Variants in CHST13 observed in about 807,000 individuals in gnomAD.
CHST13 encodes the protein C4ST-3.
In CHST13, 1 loss-of-function variant was observed where a neutral mutation model predicts 7.0. The observed-to-expected ratio is 0.14, with a 90% CI of 0.05 to 0.68. The LOEUF (loss-of-function observed/expected upper bound fraction) is 0.68. Ranked by LOEUF, CHST13 falls within the 30% of genes least tolerant of loss-of-function variation. CHST13 has a pLI of 0.82. For missense variants in CHST13, 572 were observed against 507.9 expected (o/e 1.13, Z -1.21); for synonymous variants, 257 against 240.9 (o/e 1.07, Z -0.62).
intron 1 of CHST13, 76 bp downstream of exon 1, chr3:126,524,505 T>G (rs2107559800): frequency 2.1e-6 from 1 of 469,688 alleles, no homozygotes; most frequent in Admixed American, 4.5e-5. Flanking sequence ...GCCTGACCCC[T>G]CGACAGCGCG....
At chr3:126,538,443 C>T (rs2107570127) in intron 2 of CHST13, among the ~76,000 whole-genome samples, 1 of 152,366 alleles carries the variant, frequency 6.6e-6, no homozygotes, top group Middle Eastern at 3.4e-3. Flanking sequence ...TCGCCTCAGG[C>T]AGAGCCAGGC....
chr3:126,525,733 G>C (rs1025146408), intron 1 of CHST13, among the ~76,000 whole-genome samples: 3 of 152,144 alleles, frequency 2.0e-5, no homozygotes, highest in Admixed American at 2.0e-4. Flanking sequence ...GAGGACACCT[G>C]AGTGCCTGGG....
At chr3:126,534,646 G>A (rs1936726528) in intron 1 of CHST13, among the ~76,000 whole-genome samples, 1 of 149,798 alleles carries the variant, frequency 6.7e-6, no homozygotes, top group Non-Finnish European at 1.5e-5. Context: ...CCTCAGCCGG[G>A]AGACAGATAG....
In CHST13 at chr3:126,541,764, G is replaced by T. The variant is rs1433634660; in HGVS notation, c.212G>T (p.Arg71Leu). The T allele has an allele frequency of 4.6e-6, 7 of 1,512,280 alleles. 1 individual carries two copies. The Admixed American group carries it at 1.3e-4, about 27-fold the overall frequency. The allele number at this position is 1,512,280 out of a possible 1,614,324, so 93.7% of individuals were successfully genotyped here. Residue 71 changes from arginine to leucine, a missense_variant, in exon 3 of 3, where the codon CGG becomes CTG. By Grantham distance (102) the Arg-to-Leu change is moderately radical. Transcript: ENST00000319340. ...DPRSTLAKVH[R>L]QRRDLLNSAC... ...CGCTCGACCCTGGCGAAGGTGCACC[G>T]GCAGCGGCGCGACCTGCTGAACAGC...
chr3:126,529,661 T>C (rs1936609113), intron 1 of CHST13, among the ~76,000 whole-genome samples: 1 of 152,138 alleles, frequency 6.6e-6, no homozygotes, highest in Admixed American at 6.5e-5. Context: ...TGTCTCCTTC[T>C]GTCTCTTCCT....
At position 126,542,807 on chromosome 3, in the gene CHST13, C is replaced by G; in HGVS notation, c.*229C>G. On this transcript the variant is annotated 3_prime_UTR_variant, in exon 3 of 3. Transcript: ENST00000319340. ...CGGCCTGTCGCCTGAGGCCTGCTTC[C>G]TCCACTTGCTCCAGCTGACAGGCAC... 1 of 468,506 alleles carries G rather than the reference C, an allele frequency of 2.1e-6. No homozygotes were observed. The highest frequency in any genetic ancestry group is 3.5e-6 in the Non-Finnish European group (1 of 284,898). The allele number at this position is 468,506 out of a possible 1,614,324, so 29.0% of individuals were successfully genotyped here. A position where few individuals can be genotyped will look rare whatever the true frequency, so the allele number is the denominator to read the frequency against.
Position 126,529,270 on chromosome 3 carries a change from G to A in CHST13, c.97+4841G>A, listed in dbSNP as rs559189962. The A allele has an allele frequency of 8.7e-5, 108 of 1,240,412 alleles. No homozygotes were observed. In the African/African-American group the frequency reaches 1.2e-3, roughly 14 times the overall value. 76.8% of individuals were successfully genotyped at this position (1,240,412 alleles called of 1,614,324 possible). On this transcript the variant is annotated intron_variant, in intron 1 of 2. Coordinates refer to ENST00000319340, the MANE Select transcript of CHST13 (RefSeq NM_152889.3). ...GGAGGCCTTGCAACATGACGTGTGC[G>A]GGTGTCCTGTGTGCAGCAATCGCAT...
chr3:126,529,508 G>A (rs1450180625), intron 1 of CHST13: 4 of 701,716 alleles, frequency 5.7e-6, no homozygotes, highest in Non-Finnish European at 8.2e-6. Flanking sequence ...CAAGGAAGCT[G>A]TGAGGCCTCG....
Position 126,530,061 on chromosome 3 carries a change from C to T in CHST13, c.97+5632C>T, listed in dbSNP as rs530642206. Among the ~76,000 whole-genome samples the T allele has an allele frequency of 1.1e-3, 170 of 152,296 alleles. No homozygotes were observed. In the Middle Eastern group the frequency reaches 0.041, roughly 37 times the overall value. On this transcript the variant is annotated intron_variant, in intron 1 of 2. Coordinates refer to ENST00000319340, the MANE Select transcript of CHST13 (RefSeq NM_152889.3). ...CCAGTGTGGCCCTGTTTGGGGCCAG[C>T]CCCCAGCTGGCCAAGTCAGGATTGG...
At chr3:126,539,623 GCACA>G (rs1207867041) in intron 2 of CHST13, among the ~76,000 whole-genome samples, 2 of 75,672 alleles carry the variant, frequency 2.6e-5, no homozygotes, top group African/African-American at 1.1e-4. Context: ...CACACACACA[GCACA>G]CACACACCCC....
chr3:126,530,025 G>T (rs1185581767), intron 1 of CHST13, among the ~76,000 whole-genome samples: 2 of 152,216 alleles, frequency 1.3e-5, no homozygotes, highest in Non-Finnish European at 2.9e-5. Context: ...GGGGTGGAGG[G>T]GGTGGATGCC....
chr3:126,542,334 A>G lies in CHST13; in HGVS notation c.782A>G (p.Tyr261Cys), dbSNP rs781150127. ...CTCTGCCACCCGTGTCGCCTCCGCT[A>G]CGACGTCGTGGGCAAGTTCGAGACG... ...HALCHPCRLR[Y>C]DVVGKFETLA... Residue 261 changes from tyrosine to cysteine, a missense_variant, in exon 3 of 3, where the codon TAC (tyrosine) becomes TGC (cysteine). Transcript: ENST00000319340. 8.3e-6 allele frequency: 13 copies of G among 1,565,674 alleles called. No homozygotes were observed. The South Asian group carries it at 1.5e-4, about 18-fold the overall frequency.
rs1300498585 is a variant in CHST13 at position 126,524,338 on chromosome 3, GA to G, written c.7del (p.Arg3GlyfsTer75). On this transcript the variant is annotated frameshift_variant, in exon 1 of 3. Transcript: ENST00000319340. LOFTEE classifies it high-confidence loss of function. Reference protein sequence around the residue: MGRRCCRRRVLAA... With the variant: MGXRCCRRRVLAA... Reference sequence around the variant, plus strand: ...CGCCGCGCGCCCGGCACAGCATGGGGAGGCGCTGCTGCCGGCGGCGCGTGCT... The same window carrying G: ...CGCCGCGCGCCCGGCACAGCATGGGGGGCGCTGCTGCCGGCGGCGCGTGCT... The G allele has an allele frequency of 8.1e-7, 1 of 1,235,820 alleles. No individual in the cohort carries two copies. Among genetic ancestry groups the G allele is most frequent in the African/African-American group, 1.6e-5 (1 of 63,676 alleles). The allele number at this position is 1,235,820 out of a possible 1,614,324, so 76.6% of individuals were successfully genotyped here. A position where few individuals can be genotyped will look rare whatever the true frequency, so the allele number is the denominator to read the frequency against.
At chr3:126,529,586 G>A (rs964253392) in intron 1 of CHST13, among the ~76,000 whole-genome samples, 2 of 152,108 alleles carry the variant, frequency 1.3e-5, no homozygotes, top group Non-Finnish European at 2.9e-5. Context: ...CATGAGAGGG[G>A]TAAGCATGTC....
In CHST13 at chr3:126,542,229, C is replaced by T; in HGVS notation, c.677C>T (p.Ala226Val). The T allele has an allele frequency of 1.3e-6, 2 of 1,506,946 alleles. No individual in the cohort carries two copies. The highest frequency in any genetic ancestry group is 1.4e-5 in the African/African-American group (1 of 69,044). 93.3% of individuals were successfully genotyped at this position (1,506,946 alleles called of 1,614,324 possible). ...GCCCGCGGCCACGACGTGCGCTTCG[C>T]GGAGTTCCTGGCCTACCTGCTGGAC... The part of the protein sequence containing the change: ...ARARGHDVRF[A>V]EFLAYLLDPR... Residue 226 changes from alanine (A) to valine (V), a missense_variant, in exon 3 of 3, where the codon GCG becomes GTG. Coordinates refer to ENST00000319340, the MANE Select transcript of CHST13 (RefSeq NM_152889.3).
chr3:126,524,662 G>A (rs1936501640), intron 1 of CHST13, among the ~76,000 whole-genome samples: 1 of 152,232 alleles, frequency 6.6e-6, no homozygotes, highest in Non-Finnish European at 1.5e-5. Context: ...AGCGGTGACT[G>A]TTTTGAGTCC....
In CHST13 at chr3:126,542,891, G is replaced by C. The variant is rs552129105; in HGVS notation, c.*313G>C. 5.8e-5 allele frequency: 14 copies of C among 241,620 alleles called. No individual in the cohort carries two copies. Among genetic ancestry groups the C allele is most frequent in the Admixed American group, 3.4e-4 (6 of 17,680 alleles). The allele number at this position is 241,620 out of a possible 1,614,324, so 15.0% of individuals were successfully genotyped here. A position where few individuals can be genotyped will look rare whatever the true frequency, so the allele number is the denominator to read the frequency against. On this transcript the variant is annotated 3_prime_UTR_variant, in exon 3 of 3. Coordinates refer to ENST00000319340, the MANE Select transcript of CHST13 (RefSeq NM_152889.3). ...TAACCAGGGTTTTAGGCTTTTAAAG[G>C]CCATTTTGGGGGTCAGCCCTGCCCC... is the stretch of plus-strand genomic sequence containing the variant.
chr3:126,538,919 T>G (rs1936860982), intron 2 of CHST13, among the ~76,000 whole-genome samples: 1 of 152,092 alleles, frequency 6.6e-6, no homozygotes, highest in Non-Finnish European at 1.5e-5. Flanking sequence ...TACAGAAGGG[T>G]AGACACAGTG....
In CHST13 at chr3:126,542,632, C is replaced by T; in HGVS notation, c.*54C>T. The stretch of plus-strand genomic sequence containing the variant: ...GGCAAGTGCCTTTCCGACAAGACCC[C>T]CGGGGAATGCAGGTGCTGCCGGCCC... On this transcript the variant is annotated 3_prime_UTR_variant, in exon 3 of 3. Transcript: ENST00000319340. 1 of 1,416,882 alleles carries T rather than the reference C, an allele frequency of 7.1e-7. No individual in the cohort carries two copies. Among genetic ancestry groups the T allele is most frequent in the South Asian group, 1.6e-5 (1 of 63,022 alleles). 87.8% of individuals were successfully genotyped at this position (1,416,882 alleles called of 1,614,324 possible).
Sources: allele counts gnomAD v4.1 joint callset (sites outside exome capture counted in the v4.1 genomes callset), GRCh38; gene constraint gnomAD v4.1.1; transcripts MANE v1.5; gene names NCBI Gene and HGNC (gene_info 2026-07-23, HGNC 2026-07-21).